PRDM16: variants seen among roughly 807,000 people sequenced by gnomAD.
PRDM16 encodes PR/SET domain 16, also known as histone-lysine N-methyltransferase PRDM16.
A neutral mutation model predicts 110.6 loss-of-function variants in PRDM16; 23 were observed. The ratio of observed to expected loss-of-function variants is 0.21; its 90% CI spans 0.15 to 0.29. The LOEUF (loss-of-function observed/expected upper bound fraction) is 0.29. PRDM16 is among the 10% of genes least tolerant of loss of function. PRDM16 has a pLI of 1.00. For missense variants in PRDM16, 1,615 were observed against 1,794.3 expected (o/e 0.90, Z 1.81); for synonymous variants, 799 against 781.8 (o/e 1.02, Z -0.37).
At position 3,081,042 on chromosome 1, in the gene PRDM16, G is replaced by A. The variant is rs368025958; in HGVS notation, c.37+11746G>A. Among the ~76,000 whole-genome samples the A allele has an allele frequency of 2.0e-5, 3 of 152,106 alleles. No individual in the cohort carries two copies. Among genetic ancestry groups the A allele is most frequent in the Non-Finnish European group, 2.9e-5 (2 of 68,036 alleles). ...AGAGAGTAAGGGAGCTCAGAGAATC[G>A]GGGGGCAGATAGCGTAGCCACGAGG... On this transcript the variant is annotated intron_variant, in intron 1 of 16. Coordinates refer to ENST00000270722, the MANE Select transcript of PRDM16 (RefSeq NM_022114.4). This position sits in a 1 kb window ranked among gnomAD's most constrained non-coding sequence, Gnocchi z 4.6.
chr1:3,270,248 C>T (rs1640410033), intron 3 of PRDM16, among the ~76,000 whole-genome samples: 1 of 143,970 alleles, frequency 6.9e-6, no homozygotes, highest in East Asian at 2.2e-4. Context: ...GAGGACAGTC[C>T]AGGAGAAGGA....
At chr1:3,267,014 C>A (rs1640311191) in intron 3 of PRDM16, among the ~76,000 whole-genome samples, 1 of 152,174 alleles carries the variant, frequency 6.6e-6, no homozygotes, top group Non-Finnish European at 1.5e-5. Flanking sequence ...TCTTTCTTTT[C>A]TTAAACCAGT....
chr1:3,279,180 C>T (rs1254679388), intron 3 of PRDM16, among the ~76,000 whole-genome samples: 2 of 152,328 alleles, frequency 1.3e-5, no homozygotes, highest in East Asian at 3.9e-4. Flanking sequence ...AAGCGTCGCT[C>T]ACCATGCCTG....
At chr1:3,355,272 G>C (rs150437815) in intron 3 of PRDM16, among the ~76,000 whole-genome samples, 1 of 152,152 alleles carries the variant, frequency 6.6e-6, no homozygotes, top group Non-Finnish European at 1.5e-5. Flanking sequence ...GGAGGCCTCC[G>C]GGGTATCAGG....
chr1:3,343,742 G>A lies in PRDM16; in HGVS notation c.439-41410G>A, dbSNP rs1204316933. 5.3e-5 allele frequency among the ~76,000 whole-genome samples: 8 copies of A among 151,888 alleles called. No homozygotes were observed. The South Asian group carries it at 8.3e-4, about 16-fold the overall frequency. ...TCCGCCTCCCGGGTTCTCCGCCTCCGCCATTCTCCTGCCTCAGCCTCCCAA... is the reference window on the plus strand; with the variant it reads ...TCCGCCTCCCGGGTTCTCCGCCTCCACCATTCTCCTGCCTCAGCCTCCCAA... On this transcript the variant is annotated intron_variant, in intron 3 of 16. Coordinates refer to ENST00000270722, the MANE Select transcript of PRDM16 (RefSeq NM_022114.4).
chr1:3,094,511 G>C (rs1342205710), intron 1 of PRDM16, among the ~76,000 whole-genome samples: 1 of 152,232 alleles, frequency 6.6e-6, no homozygotes, highest in African/African-American at 2.4e-5. Flanking sequence ...GGGCACAGGA[G>C]TGCAGACATG....
At chr1:3,287,241 C>T (rs1277447831) in intron 3 of PRDM16, among the ~76,000 whole-genome samples, 1 of 151,504 alleles carries the variant, frequency 6.6e-6, no homozygotes, top group African/African-American at 2.4e-5. Flanking sequence ...CGCGGGCATC[C>T]AGGATTGCAT....
intron 3 of PRDM16, among the ~76,000 whole-genome samples, chr1:3,332,043 G>C (rs948529352): frequency 3.9e-5 from 6 of 152,212 alleles, no homozygotes; most frequent in Admixed American, 6.5e-5. Context: ...GTCCCACCCT[G>C]CCAGGCTCCC....
chr1:3,103,897 TAAAG>T (rs1488856670), intron 1 of PRDM16, among the ~76,000 whole-genome samples: 9 of 152,104 alleles, frequency 5.9e-5, no homozygotes, highest in Admixed American at 3.9e-4. Context: ...TTTTAAAAAA[TAAAG>T]AAATAAACAC....
At chr1:3,325,176 G>A (rs1177506712) in intron 3 of PRDM16, among the ~76,000 whole-genome samples, 4 of 152,218 alleles carry the variant, frequency 2.6e-5, no homozygotes, top group East Asian at 3.9e-4. Context: ...CACAGGGAGT[G>A]TCCCCAAGGA....
chr1:3,142,760 C>T (rs1023562505), intron 1 of PRDM16, among the ~76,000 whole-genome samples: 3 of 152,006 alleles, frequency 2.0e-5, no homozygotes, highest in East Asian at 3.9e-4. Context: ...TTATAGAATT[C>T]CCTGCCCGCC....
At position 3,404,723 on chromosome 1, in the gene PRDM16, C is replaced by T; in HGVS notation, c.885-16C>T. 6.2e-7 allele frequency: 1 copy of T among 1,612,834 alleles called. No individual in the cohort carries two copies. Among genetic ancestry groups the T allele is most frequent in the Non-Finnish European group, 8.5e-7 (1 of 1,179,836 alleles). On this transcript the variant is annotated splice_polypyrimidine_tract_variant and intron_variant, in intron 6 of 16. Coordinates refer to ENST00000270722, the MANE Select transcript of PRDM16 (RefSeq NM_022114.4). ...CAGGTAGTCGGGCCCCGCAGTGAGC[C>T]TCGTCCTCTGCGCAGCCTGGAGCAG...
chr1:3,199,289 T>A (rs369494557), intron 2 of PRDM16, among the ~76,000 whole-genome samples: 5,025 of 151,662 alleles, frequency 0.033, 277 homozygotes, highest in African/African-American at 0.11. Context: ...GCGGTGGGGG[T>A]CTCAGGGCCT....
At chr1:3,164,108 C>T (rs1390504416) in intron 1 of PRDM16, among the ~76,000 whole-genome samples, 1 of 152,236 alleles carries the variant, frequency 6.6e-6, no homozygotes, top group Non-Finnish European at 1.5e-5. Flanking sequence ...AAGCCTGTGT[C>T]GTCCATCAAC....
chr1:3,428,000 C>T (rs1408302804), intron 14 of PRDM16, among the ~76,000 whole-genome samples: 2 of 152,224 alleles, frequency 1.3e-5, no homozygotes, highest in Non-Finnish European at 2.9e-5. Flanking sequence ...GCCCCGTCCC[C>T]AGGCACAATC....
At chr1:3,221,017 G>C (rs1480524401) in intron 2 of PRDM16, among the ~76,000 whole-genome samples, 2 of 152,240 alleles carry the variant, frequency 1.3e-5, no homozygotes. Context: ...CTGTCTGGGA[G>C]CAGGAGTCAT....
At chr1:3,247,928 C>T (rs941491749) in intron 3 of PRDM16, among the ~76,000 whole-genome samples, 1 of 152,222 alleles carries the variant, frequency 6.6e-6, no homozygotes, top group African/African-American at 2.4e-5. Context: ...CCCGGGGGCT[C>T]CTGGAGAGCA....
intron 1 of PRDM16, among the ~76,000 whole-genome samples, chr1:3,071,299 G>C (rs979415435): frequency 6.6e-6 from 1 of 152,276 alleles, no homozygotes; most frequent in African/African-American, 2.4e-5. Context: ...GCCCGGGACC[G>C]GGTCCGCTCA....
chr1:3,229,665 C>T (rs147877865), intron 2 of PRDM16, among the ~76,000 whole-genome samples: 20 of 152,300 alleles, frequency 1.3e-4, no homozygotes, highest in African/African-American at 4.3e-4. Flanking sequence ...ACCTGCTGTC[C>T]GTGCTGACCT....
Sources: allele counts gnomAD v4.1 joint callset (sites outside exome capture counted in the v4.1 genomes callset), GRCh38; gene constraint gnomAD v4.1.1; non-coding constraint Gnocchi (gnomAD v3.1); transcripts MANE v1.5; gene names NCBI Gene and HGNC (gene_info 2026-07-23, HGNC 2026-07-21).